The following SLC5A11 variants were observed in gnomAD, a reference collection of about 807,000 sequenced individuals.
SLC5A11 encodes sodium/myo-inositol cotransporter 2.
SLC5A11 carries 48 observed loss-of-function variants against 69.8 expected under a neutral mutation model. That is an observed-to-expected ratio of 0.69 (90% CI 0.55 to 0.87). The LOEUF (loss-of-function observed/expected upper bound fraction) is 0.87. Ranked by LOEUF, SLC5A11 falls within the 40% of genes least tolerant of loss-of-function variation. The pLI is 0.00. For missense variants in SLC5A11, 784 were observed against 866.1 expected (o/e 0.91, Z 1.19); for synonymous variants, 319 against 342.4 (o/e 0.93, Z 0.75).
intron 1 of SLC5A11, among the ~76,000 whole-genome samples, chr16:24,855,469 G>T (rs1189991752): frequency 6.6e-6 from 1 of 151,452 alleles, no homozygotes. Context: ...CAGGCATGGT[G>T]GTGCATCTAT....
At chr16:24,898,804 C>T (rs1216976354) in intron 10 of SLC5A11, among the ~76,000 whole-genome samples, 1 of 152,108 alleles carries the variant, frequency 6.6e-6, no homozygotes. Context: ...AGGCGTAAGC[C>T]ACCATGCCTG....
intron 1 of SLC5A11, among the ~76,000 whole-genome samples, chr16:24,848,729 C>A (rs2667747): frequency 0.76 from 115,117 of 152,104 alleles, 43,706 homozygotes; most frequent in South Asian, 0.88. Flanking sequence ...ACAGTGAGCT[C>A]TGATGGCACC....
chr16:24,858,520 A>C, intron 1 of SLC5A11, 100 bp from the exon 3 acceptor site: 2 of 1,027,828 alleles, frequency 1.9e-6, no homozygotes, highest in Non-Finnish European at 2.8e-6. Flanking sequence ...ATCCCTCCAC[A>C]TGGGTCCTCT....
intron 9 of SLC5A11, among the ~76,000 whole-genome samples, chr16:24,891,951 G>A (rs1195301761): frequency 6.6e-6 from 1 of 151,496 alleles, no homozygotes; most frequent in Non-Finnish European, 1.5e-5. Context: ...TTTAAAATGG[G>A]GTGACAGGTG....
chr16:24,860,205 T>G (rs1351896112), intron 2 of SLC5A11, among the ~76,000 whole-genome samples: 1 of 152,152 alleles, frequency 6.6e-6, no homozygotes, highest in Non-Finnish European at 1.5e-5. Context: ...GAGAATGGCA[T>G]GAATCCGGGA....
chr16:24,909,689 C>CT (rs1377135865), intron 14 of SLC5A11, among the ~76,000 whole-genome samples: 1 of 141,204 alleles, frequency 7.1e-6, no homozygotes, highest in African/African-American at 2.6e-5. Flanking sequence ...ATTAGCAGGG[C>CT]GTGATGGCTC....
At chr16:24,871,045 A>G in intron 4 of SLC5A11, among the ~76,000 whole-genome samples, 1 of 152,138 alleles carries the variant, frequency 6.6e-6, no homozygotes. Context: ...GGAGGGGATT[A>G]TTAATAATGA....
intron 6 of SLC5A11, chr16:24,876,871 G>T (rs1758214312): frequency 6.4e-6 from 1 of 156,632 alleles, no homozygotes; most frequent in Non-Finnish European, 1.4e-5. Context: ...AGGTCTGGGA[G>T]TACGAAGTGA....
chr16:24,892,894 C>A (rs2048907407), intron 9 of SLC5A11, among the ~76,000 whole-genome samples: 1 of 152,084 alleles, frequency 6.6e-6, no homozygotes. Context: ...AAGAGAGAGA[C>A]CCCCTTCTCC....
chr16:24,868,488 A>ACTC lies in SLC5A11; in HGVS notation c.208-1412_208-1410dup, dbSNP rs1371128637. 3.3e-5 allele frequency among the ~76,000 whole-genome samples: 5 copies of ACTC among 150,452 alleles called. No homozygotes were observed. In the East Asian group the frequency reaches 9.9e-4, roughly 30 times the overall value. On this transcript the variant is annotated intron_variant, in intron 3 of 15. Coordinates refer to ENST00000347898, the Ensembl canonical transcript of SLC5A11. ...GTGGCGGGCGCCTGTAGTCCCAGCT[A>ACTC]CTCGGGAGGCTGAGGCAGGAGAATG... is the stretch of plus-strand genomic sequence containing the variant.
chr16:24,878,781 C>T (rs1006623560), intron 7 of SLC5A11, among the ~76,000 whole-genome samples: 2 of 152,222 alleles, frequency 1.3e-5, no homozygotes, highest in Non-Finnish European at 2.9e-5. Flanking sequence ...GTGTGTAATC[C>T]CAACACTTTG....
At position 24,869,911 on chromosome 16, in the gene SLC5A11, C is replaced by T. The variant is rs777004704; in HGVS notation, c.218C>T (p.Ser73Phe). The change falls in exon 4 of 16, where the codon TCC (serine) becomes TTC (phenylalanine). Residue 73 changes from serine to phenylalanine, a missense_variant. Physicochemically the swap from Ser to Phe is radical, Grantham distance 155 (BLOSUM62 -2). This residue lies in a region of SLC5A11 where 133 missense variants were observed against 107.4 expected (regional missense o/e 1.24). Coordinates refer to ENST00000347898, the Ensembl canonical transcript of SLC5A11. ...TCCATCTCCCCACAGGTGGGTGCAT[C>T]CTTGTTTGCCAGCAATGTTGGAAGT... The T allele has an allele frequency of 4.0e-5, 64 of 1,613,902 alleles. No individual in the cohort carries two copies. The highest frequency in any genetic ancestry group is 4.0e-5 in the Non-Finnish European group (47 of 1,179,904).
intron 14 of SLC5A11, among the ~76,000 whole-genome samples, chr16:24,909,995 A>G (rs1310650609): frequency 2.0e-5 from 3 of 152,078 alleles, no homozygotes; most frequent in African/African-American, 7.2e-5. Flanking sequence ...TGAAATGACC[A>G]GTTCTGGGGT....
chr16:24,849,593 A>AAAAAAAAAAAAATATAT, intron 1 of SLC5A11, among the ~76,000 whole-genome samples: 1 of 35,910 alleles, frequency 2.8e-5, no homozygotes. Context: ...AAAAAAAAAA[A>AAAAAAAAAAAAATATAT]ATATATATAT....
intron 1 of SLC5A11, among the ~76,000 whole-genome samples, chr16:24,853,033 G>A (rs566180171): frequency 2.6e-5 from 4 of 151,366 alleles, no homozygotes; most frequent in Non-Finnish European, 5.9e-5. Context: ...GTGCACAGCC[G>A]GTGCCTAATA....
Position 24,862,588 on chromosome 16 carries a change from C to CTTT in SLC5A11, c.136-6_136-4dup. The CTTT allele has an allele frequency of 6.5e-7, 1 of 1,541,958 alleles. No individual in the cohort carries two copies. The highest frequency in any genetic ancestry group is 1.2e-5 in the South Asian group (1 of 86,106). On this transcript the variant is annotated splice_polypyrimidine_tract_variant and intron_variant, in intron 2 of 15. Transcript: ENST00000347898. ...ACGTCTTCCCTCACCCACCTCTCTT[C>CTTT]TTTTTTTTTCAGTCCACAGTGAAGA...
intron 15 of SLC5A11, 41 bp downstream of exon 16, chr16:24,910,518 G>C (rs751764071): frequency 1.9e-6 from 3 of 1,558,142 alleles, no homozygotes; most frequent in Admixed American, 2.0e-5. Context: ...GAAGGAGTAC[G>C]TGTTAAAGGG....
intron 12 of SLC5A11, among the ~76,000 whole-genome samples, chr16:24,907,706 C>CA (rs34270068): frequency 0.54 from 78,329 of 145,356 alleles, 21,642 homozygotes; most frequent in African/African-American, 0.65. Context: ...GACTCTGTCT[C>CA]AAAAAAAAAA....
chr16:24,899,779 C>T (rs2049447608), intron 10 of SLC5A11, among the ~76,000 whole-genome samples: 1 of 152,082 alleles, frequency 6.6e-6, no homozygotes, highest in African/African-American at 2.4e-5. Context: ...TTATAGCTCA[C>T]TGCAGCCTGG....
Sources: gnomAD v4.1 joint callset for allele counts (sites outside exome capture counted in the v4.1 genomes callset) on GRCh38, gnomAD v4.1.1 for gene constraint, gnomAD v4.1.1 regional missense constraint, MANE v1.5 for transcripts, NCBI Gene and HGNC (gene_info 2026-07-23, HGNC 2026-07-21) for gene names.